PDGFB: variants seen among roughly 807,000 people sequenced by gnomAD.
The protein encoded by PDGFB is platelet derived growth factor subunit B.
In PDGFB, 6 loss-of-function variants were observed where a neutral mutation model predicts 29.0. That is an observed-to-expected ratio of 0.21 (90% CI 0.11 to 0.41). PDGFB has a LOEUF of 0.41. Ranked by LOEUF, PDGFB falls within the 10% of genes least tolerant of loss-of-function variation. The pLI is 1.00. For missense variants in PDGFB, 299 were observed against 341.8 expected (o/e 0.87, Z 0.99); for synonymous variants, 144 against 140.8 (o/e 1.02, Z -0.16).
chr22:39,239,795 G>A (rs1226796456), intron 1 of PDGFB, among the ~76,000 whole-genome samples: 1 of 152,168 alleles, frequency 6.6e-6, no homozygotes, highest in Non-Finnish European at 1.5e-5. Flanking sequence ...TGAGTGATCT[G>A]CTCCCAACCA....
chr22:39,241,811 C>T (rs1224660497), intron 1 of PDGFB, among the ~76,000 whole-genome samples: 2 of 152,074 alleles, frequency 1.3e-5, no homozygotes, highest in African/African-American at 2.4e-5. Flanking sequence ...CTCAGTGCCC[C>T]TCAGAGTCAC....
chr22:39,231,528 C>A lies in PDGFB; in HGVS notation c.456+94G>T. The A allele has an allele frequency of 1.1e-6, 1 of 917,208 alleles. No individual in the cohort carries two copies. Among genetic ancestry groups the A allele is most frequent in the Non-Finnish European group, 1.6e-6 (1 of 617,258 alleles). 56.8% of individuals were successfully genotyped at this position (917,208 alleles called of 1,614,324 possible). A position where few individuals can be genotyped will look rare whatever the true frequency, so the allele number is the denominator to read the frequency against. On this transcript the variant is annotated intron_variant, in intron 4 of 6. Transcript: ENST00000331163. This position sits in a 1 kb window ranked among gnomAD's most constrained non-coding sequence, Gnocchi z 4.3. ...GAATGTCCTTCGACACACCACTCTG[C>A]CCAGTCAAGGAAGCCTGGTCAGGTA...
chr22:39,239,597 G>A lies in PDGFB; in HGVS notation c.64-3723C>T, dbSNP rs145627199. 5.8e-3 allele frequency among the ~76,000 whole-genome samples: 883 copies of A among 152,264 alleles called. 16 individuals are homozygous for A. Among genetic ancestry groups the A allele is most frequent in the African/African-American group, 0.02 (845 of 41,536 alleles). ...GACAGCTCACTTCAGAGATGGGAAA[G>A]GAGGCCTGGCACCCTGAAGAAGCTG... On this transcript the variant is annotated intron_variant, in intron 1 of 6. Transcript: ENST00000331163.
chr22:39,232,971 CT>C (rs1280487717), intron 3 of PDGFB, among the ~76,000 whole-genome samples: 3 of 152,204 alleles, frequency 2.0e-5, no homozygotes. Flanking sequence ...AAGTTCCAGG[CT>C]TTGCTCGAGG....
chr22:39,241,595 G>A (rs764440661), intron 1 of PDGFB, among the ~76,000 whole-genome samples: 14 of 152,258 alleles, frequency 9.2e-5, no homozygotes, highest in Non-Finnish European at 2.1e-4. Context: ...GGGAAAGAAG[G>A]AGGAGGTGCT....
chr22:39,225,984 G>C (rs1932157786), intron 5 of PDGFB, 137 bp from the exon 6 acceptor site: 2 of 944,626 alleles, frequency 2.1e-6, no homozygotes. Context: ...CCTGGGTTTG[G>C]ATCCCAACTC....
rs993304509 is a variant in PDGFB at position 39,244,739 on chromosome 22, A to AGCTGCGGGCTGCGG, written c.-777_-776insCCGCAGCCCGCAGC. The AGCTGCGGGCTGCGG allele has an allele frequency of 2.8e-5, 4 of 145,246 alleles. No individual in the cohort carries two copies. The highest frequency in any genetic ancestry group is 1.9e-4 in the African/African-American group (4 of 21,240). 9.0% of individuals were successfully genotyped at this position (145,246 alleles called of 1,614,324 possible). ...CGTCCTCTGCGGGCTGCGGGCTGCG[A>AGCTGCGGGCTGCGG]GCTGCGAGCTGCGAGCTGCGGCTGC... is the stretch of plus-strand genomic sequence containing the variant. On this transcript the variant is annotated 5_prime_UTR_variant, in exon 1 of 7. Transcript: ENST00000331163. The surrounding 1 kb of genome is among the most constrained non-coding windows in gnomAD (Gnocchi z 4.5).
chr22:39,240,911 TCTCA>T (rs773302818), intron 1 of PDGFB: 6 of 1,581,256 alleles, frequency 3.8e-6, no homozygotes, highest in South Asian at 1.1e-5. Flanking sequence ...TCTCTCTCTC[TCTCA>T]GATGCGCACA....
chr22:39,231,266 T>C lies in PDGFB; in HGVS notation c.456+356A>G, dbSNP rs12157563. On this transcript the variant is annotated intron_variant, in intron 4 of 6. Transcript: ENST00000331163. The surrounding 1 kb of genome is among the most constrained non-coding windows in gnomAD (Gnocchi z 4.3). ...TCCCCAAAACATTCTGAGTGTCAGA[T>C]AAATGTTTGCGGATACGGCTCTTCA... Among the ~76,000 whole-genome samples the C allele has an allele frequency of 0.014, 2,208 of 152,324 alleles. 31 individuals carry two copies. The highest frequency in any genetic ancestry group is 0.036 in the African/African-American group (1,491 of 41,578).
Position 39,223,521 on chromosome 22 carries a change from G to A in PDGFB, c.*1821C>T, listed in dbSNP as rs1170340002. 1.3e-5 allele frequency: 2 copies of A among 152,566 alleles called. No homozygotes were observed. The highest frequency in any genetic ancestry group is 2.9e-5 in the Non-Finnish European group (2 of 68,076). The allele number at this position is 152,566 out of a possible 1,614,324, so 9.5% of individuals were successfully genotyped here. ...CCTGCGTGTATGTGCACGCATGTGT[G>A]AGCATGTATGTGTGTGTGTGTGTAT... On this transcript the variant is annotated 3_prime_UTR_variant, in exon 7 of 7. Transcript: ENST00000331163.
chr22:39,236,932 A>C (rs538948440), intron 1 of PDGFB, among the ~76,000 whole-genome samples: 3 of 152,166 alleles, frequency 2.0e-5, no homozygotes, highest in African/African-American at 7.2e-5. Flanking sequence ...GGGCATCAAT[A>C]GGCTTGGCAC....
intron 3 of PDGFB, among the ~76,000 whole-genome samples, chr22:39,232,445 C>T (rs1932332370): frequency 6.6e-6 from 1 of 152,194 alleles, no homozygotes; most frequent in Admixed American, 6.5e-5. Context: ...GCTGAATATC[C>T]CGTCCGCCCA....
Position 39,244,966 on chromosome 22 carries a change from CAGG to C in PDGFB, c.-1006_-1004del, listed in dbSNP as rs1046258720. On this transcript the variant is annotated 5_prime_UTR_variant, in exon 1 of 7. Coordinates refer to ENST00000331163, the MANE Select transcript of PDGFB (RefSeq NM_002608.4). This position sits in a 1 kb window ranked among gnomAD's most constrained non-coding sequence, Gnocchi z 4.5. ...GAGGCAGGCAGGCCGCTCCCGGCTG[CAGG>C]AGGAGAAGTTGCCACCCTTTCAGCT... Among the ~76,000 whole-genome samples, 9 of 152,048 alleles carry C rather than the reference CAGG, an allele frequency of 5.9e-5. No homozygotes were observed. Among genetic ancestry groups the C allele is most frequent in the South Asian group, 4.1e-4 (2 of 4,828 alleles).
At chr22:39,237,615 C>T (rs1932476833) in intron 1 of PDGFB, among the ~76,000 whole-genome samples, 1 of 152,218 alleles carries the variant, frequency 6.6e-6, no homozygotes, top group Non-Finnish European at 1.5e-5. Flanking sequence ...GAGACCACGC[C>T]TCCGGTGCTC....
In PDGFB at chr22:39,242,492, G is replaced by A. The variant is rs985633618; in HGVS notation, c.63+1409C>T. Reference sequence around the variant, plus strand: ...GGGGGGCTGCGGGAGAGGCGGAGAGGGGGCGTCGGGAGGGGCCTGAAGGCG... The same window carrying A: ...GGGGGGCTGCGGGAGAGGCGGAGAGAGGGCGTCGGGAGGGGCCTGAAGGCG... On this transcript the variant is annotated intron_variant, in intron 1 of 6. Transcript: ENST00000331163. The surrounding 1 kb of genome is among the most constrained non-coding windows in gnomAD (Gnocchi z 5.7). Among the ~76,000 whole-genome samples, 1 of 150,500 alleles carries A rather than the reference G, an allele frequency of 6.6e-6. No homozygotes were observed. The highest frequency in any genetic ancestry group is 2.4e-5 in the African/African-American group (1 of 41,238).
Position 39,233,523 on chromosome 22 carries a change from C to G in PDGFB, c.162G>C (p.Glu54Asp), listed in dbSNP as rs1456486786. Residue 54 changes from glutamate to aspartate, a missense_variant and splice_region_variant, in exon 3 of 7, where the codon GAG becomes GAC. Physicochemically the swap from Glu to Asp is conservative, Grantham distance 45. Coordinates refer to ENST00000331163, the MANE Select transcript of PDGFB (RefSeq NM_002608.4). ...LQRLLHGDPG[E>D]EDGAELDLNM... ...TCAGGTCCAACTCGGCCCCATCTTC[C>G]TCTGCAGGAGAAGTCACAGTCAGAC... is the stretch of plus-strand genomic sequence containing the variant. 6.3e-7 allele frequency: 1 copy of G among 1,585,682 alleles called. No individual in the cohort carries two copies. Among genetic ancestry groups the G allele is most frequent in the Non-Finnish European group, 8.6e-7 (1 of 1,168,034 alleles).
chr22:39,227,165 G>T (rs1211674624), intron 5 of PDGFB, among the ~76,000 whole-genome samples: 1 of 151,918 alleles, frequency 6.6e-6, no homozygotes, highest in Non-Finnish European at 1.5e-5. Context: ...CACCATGTTG[G>T]CCAGGCTGGT....
At position 39,240,941 on chromosome 22, in the gene PDGFB, ACTCTCT is replaced by A. The variant is rs111778157; in HGVS notation, c.63+2954_63+2959del. The A allele has an allele frequency of 3.4e-5, 14 of 405,972 alleles. No homozygotes were observed. In the East Asian group the frequency reaches 3.0e-3, roughly 88 times the overall value. The allele number at this position is 405,972 out of a possible 1,614,324, so 25.1% of individuals were successfully genotyped here. A position where few individuals can be genotyped will look rare whatever the true frequency, so the allele number is the denominator to read the frequency against. ...GATGCGCACACACACACACACACAC[ACTCTCT>A]CTCTCTCTCTCTTCCTGGCTCTTGC... On this transcript the variant is annotated intron_variant, in intron 1 of 6. Transcript: ENST00000331163.
Position 39,244,597 on chromosome 22 carries a change from C to A in PDGFB, c.-634G>T, listed in dbSNP as rs1932648808. The A allele has an allele frequency of 6.6e-6, 1 of 150,760 alleles. No individual in the cohort carries two copies. Among genetic ancestry groups the A allele is most frequent in the Non-Finnish European group, 1.5e-5 (1 of 68,326 alleles). The allele number at this position is 150,760 out of a possible 1,614,324, so 9.3% of individuals were successfully genotyped here. Reference sequence around the variant, plus strand: ...GCGCCCTGGCGCGGGGCCCGGGCGGCGGGCACGGCTGCTCCGCGCGCGCGG... The same window carrying A: ...GCGCCCTGGCGCGGGGCCCGGGCGGAGGGCACGGCTGCTCCGCGCGCGCGG... On this transcript the variant is annotated 5_prime_UTR_variant, in exon 1 of 7. Coordinates refer to ENST00000331163, the MANE Select transcript of PDGFB (RefSeq NM_002608.4). This position sits in a 1 kb window ranked among gnomAD's most constrained non-coding sequence, Gnocchi z 4.5.
Sources: gnomAD v4.1 joint callset for allele counts (sites outside exome capture counted in the v4.1 genomes callset) on GRCh38, gnomAD v4.1.1 for gene constraint, Gnocchi (gnomAD v3.1) non-coding constraint, MANE v1.5 for transcripts, NCBI Gene and HGNC (gene_info 2026-07-23, HGNC 2026-07-21) for gene names.